Variants in MCC observed in about 807,000 individuals in gnomAD.
The protein encoded by MCC is MCC regulator of Wnt signaling pathway.
A neutral mutation model predicts 116.2 loss-of-function variants in MCC; 90 were observed. That is an observed-to-expected ratio of 0.77 (90% confidence interval 0.65 to 0.92). MCC has a LOEUF of 0.92. Among genes scored for constraint, MCC ranks in the 40% least tolerant of loss-of-function variants. The probability of loss-of-function intolerance (pLI) is 0.00; values close to 1 mark genes in which losing one functional copy is unlikely to be tolerated. For missense variants in MCC, 1,516 were observed against 1,312.2 expected, an observed-to-expected ratio of 1.16 and a Z score of -2.40; for synonymous variants, 578 against 510.5, an observed-to-expected ratio of 1.13 and a Z score of -1.78.
chr5:113,418,298 A>T (rs1184980060), intron 1 of MCC, among the ~76,000 whole-genome samples: 1 of 151,908 alleles, frequency 6.6e-6, no homozygotes, highest in Non-Finnish European at 1.5e-5. Flanking sequence ...AATAAAAAAG[A>T]AAGAAAAGAA....
chr5:113,187,816 G>T (rs1761973756), intron 3 of MCC, among the ~76,000 whole-genome samples: 2 of 151,142 alleles, frequency 1.3e-5, no homozygotes, highest in African/African-American at 4.9e-5. Context: ...ATGCACCTGT[G>T]ACCAAAATAG....
intron 11 of MCC, among the ~76,000 whole-genome samples, chr5:113,077,371 T>C (rs996911273): frequency 6.6e-6 from 1 of 152,114 alleles, no homozygotes; most frequent in African/African-American, 2.4e-5. Context: ...CAGCACCACA[T>C]CACACTTATT....
chr5:113,372,283 G>A (rs2150389191), intron 2 of MCC, among the ~76,000 whole-genome samples: 2 of 152,268 alleles, frequency 1.3e-5, no homozygotes, highest in East Asian at 3.9e-4. Flanking sequence ...AAAAAGAGCA[G>A]CACCAAATAG....
chr5:113,383,734 G>A (rs951341058), intron 2 of MCC, among the ~76,000 whole-genome samples: 5 of 152,064 alleles, frequency 3.3e-5, no homozygotes, highest in African/African-American at 1.2e-4. Flanking sequence ...ATTATGTTAA[G>A]AGCACATGCA....
chr5:113,450,462 C>G (rs531526590), intron 1 of MCC, among the ~76,000 whole-genome samples: 79 of 152,228 alleles, frequency 5.2e-4, no homozygotes, highest in Non-Finnish European at 9.8e-4. Flanking sequence ...TGATGCCCCC[C>G]CAAGCCTGGC....
chr5:113,474,110 T>G (rs1280845439), intron 1 of MCC, among the ~76,000 whole-genome samples: 2 of 152,224 alleles, frequency 1.3e-5, no homozygotes, highest in Non-Finnish European at 2.9e-5. Flanking sequence ...GACAAAAAGT[T>G]GATAAACTTT....
At chr5:113,168,058 G>C (rs1760870397) in intron 3 of MCC, among the ~76,000 whole-genome samples, 1 of 152,156 alleles carries the variant, frequency 6.6e-6, no homozygotes, top group Admixed American at 6.5e-5. Context: ...GTATGTCCGT[G>C]AAGAAAAAGT....
chr5:113,098,451 G>A (rs568991831), intron 8 of MCC, among the ~76,000 whole-genome samples: 2 of 152,286 alleles, frequency 1.3e-5, no homozygotes, highest in South Asian at 4.1e-4. Context: ...TGAAATGAAT[G>A]AATGAAGAAT....
At chr5:113,219,954 T>C (rs1025804882) in intron 3 of MCC, among the ~76,000 whole-genome samples, 2 of 151,896 alleles carry the variant, frequency 1.3e-5, no homozygotes, top group Non-Finnish European at 2.9e-5. Flanking sequence ...CTTATTGAAA[T>C]TAGATAGTAT....
intron 2 of MCC, among the ~76,000 whole-genome samples, chr5:113,381,220 C>T (rs1327280533): frequency 6.6e-6 from 1 of 152,036 alleles, no homozygotes; most frequent in African/African-American, 2.4e-5. Context: ...TGGGACTTGC[C>T]AGCTTGAGCA....
In MCC at chr5:113,357,040, C is replaced by A. The variant is rs573682548; in HGVS notation, c.416-16310G>T. Reference sequence around the variant, plus strand: ...TAAGAACTGGGGTTTTGTAGTCATGCTGCTTAGTATCAGGTTTAAAGACAC... The same window carrying A: ...TAAGAACTGGGGTTTTGTAGTCATGATGCTTAGTATCAGGTTTAAAGACAC... On this transcript the variant is annotated intron_variant, in intron 2 of 18. Coordinates refer to ENST00000408903, the MANE Select transcript of MCC (RefSeq NM_001085377.2). 4.6e-5 allele frequency among the ~76,000 whole-genome samples: 7 copies of A among 152,288 alleles called. No homozygotes were observed. The South Asian group carries it at 8.3e-4, about 18-fold the overall frequency.
intron 3 of MCC, among the ~76,000 whole-genome samples, chr5:113,167,678 T>C (rs1417124003): frequency 6.6e-6 from 1 of 152,200 alleles, no homozygotes; most frequent in Non-Finnish European, 1.5e-5. Context: ...TCACCCACGC[T>C]GGAGTGCAGT....
intron 1 of MCC, among the ~76,000 whole-genome samples, chr5:113,386,196 T>G (rs928414893): frequency 2.6e-5 from 4 of 152,184 alleles, no homozygotes; most frequent in Non-Finnish European, 5.9e-5. Context: ...AATTTGTTCA[T>G]TGTCACAAAC....
intron 3 of MCC, among the ~76,000 whole-genome samples, chr5:113,236,143 G>A (rs983772981): frequency 3.4e-5 from 5 of 147,936 alleles, no homozygotes; most frequent in Non-Finnish European, 7.4e-5. Flanking sequence ...TGCAGAATGA[G>A]TCACACTCCC....
chr5:113,435,128 G>A, intron 1 of MCC: 1 of 400,442 alleles, frequency 2.5e-6, no homozygotes, highest in South Asian at 6.2e-5. Context: ...GAGCAGACAA[G>A]ATGAGCAGAA....
intron 3 of MCC, among the ~76,000 whole-genome samples, chr5:113,235,731 C>A (rs1473873843): frequency 1.3e-5 from 2 of 152,214 alleles, no homozygotes; most frequent in Non-Finnish European, 2.9e-5. Flanking sequence ...CACCATTTCT[C>A]CTGCAGAGAA....
At chr5:113,316,662 A>G (rs954854528) in intron 3 of MCC, among the ~76,000 whole-genome samples, 3 of 152,218 alleles carry the variant, frequency 2.0e-5, no homozygotes, top group Non-Finnish European at 2.9e-5. Context: ...TATAAAAGTC[A>G]GGGTCTCATA....
At chr5:113,393,367 G>T (rs1487210477) in intron 1 of MCC, among the ~76,000 whole-genome samples, 4 of 152,172 alleles carry the variant, frequency 2.6e-5, no homozygotes, top group Admixed American at 6.5e-5. Context: ...GCTATAGTTG[G>T]AGGGGAAAAT....
chr5:113,224,994 C>A lies in MCC; in HGVS notation c.628-73572G>T, dbSNP rs535346159. Among the ~76,000 whole-genome samples the A allele has an allele frequency of 6.6e-5, 10 of 152,302 alleles. No individual in the cohort carries two copies. The South Asian group carries it at 2.1e-3, about 32-fold the overall frequency. Reference sequence around the variant, plus strand: ...AGTGGTGACCCTGTTCCTAGTTGATCTTATACTCGGTTAAAAATAAAAAGA... The same window carrying A: ...AGTGGTGACCCTGTTCCTAGTTGATATTATACTCGGTTAAAAATAAAAAGA... On this transcript the variant is annotated intron_variant, in intron 3 of 18. Transcript: ENST00000408903.
Sources: gnomAD v4.1 joint callset for allele counts (sites outside exome capture counted in the v4.1 genomes callset) on GRCh38, gnomAD v4.1.1 for gene constraint, MANE v1.5 for transcripts, NCBI Gene and HGNC (gene_info 2026-07-23, HGNC 2026-07-21) for gene names.